The following SHISA5 variants were observed in gnomAD, a reference collection of about 807,000 sequenced individuals.
SHISA5 encodes shisa family member 5, also known as protein shisa-5.
A neutral mutation model predicts 27.5 loss-of-function variants in SHISA5; 21 were observed. The ratio of observed to expected loss-of-function variants is 0.76; its 90% CI spans 0.54 to 1.10. The LOEUF is 1.10. SHISA5 is among the 50% of genes least tolerant of loss of function. SHISA5 has a pLI of 0.00. For missense variants in SHISA5, 314 were observed against 336.3 expected, an observed-to-expected ratio of 0.93 and a Z score of 0.52; for synonymous variants, 137 against 142.2, an observed-to-expected ratio of 0.96 and a Z score of 0.26.
intron 1 of SHISA5, chr3:48,502,218 C>A: frequency 2.8e-6 from 1 of 356,034 alleles, no homozygotes; most frequent in Non-Finnish European, 5.7e-6. Flanking sequence ...CCACAGCAAC[C>A]TCAGCCCCTG....
chr3:48,488,572 G>A (rs1455134026), intron 2 of SHISA5, among the ~76,000 whole-genome samples: 2 of 144,208 alleles, frequency 1.4e-5, no homozygotes, highest in African/African-American at 2.5e-5. Flanking sequence ...GGTGGCTCAC[G>A]CCTGTAATCC....
chr3:48,486,920 CAAA>C (rs747460201), intron 2 of SHISA5, among the ~76,000 whole-genome samples: 5 of 94,768 alleles, frequency 5.3e-5, no homozygotes, highest in Admixed American at 1.2e-4. Flanking sequence ...GACTCCATCT[CAAA>C]AAAAAAAAAA....
rs1167038196 is a variant in SHISA5, at chr3:48,470,261, T to C, written c.315-418A>G. Among the ~76,000 whole-genome samples the C allele has an allele frequency of 6.6e-6, 1 of 152,106 alleles. No individual in the cohort carries two copies. The highest frequency in any genetic ancestry group is 2.4e-5 in the African/African-American group (1 of 41,394). On this transcript the variant is annotated intron_variant, in intron 3 of 5. Transcript: ENST00000296444. The surrounding 1 kb of genome is among the most constrained non-coding windows in gnomAD (Gnocchi z 4.3). ...TGGCCTCTGGGAGCCCACAGTCCAG[T>C]GTAGGAGGCAGACAGTGAAGATAAC...
intron 2 of SHISA5, among the ~76,000 whole-genome samples, chr3:48,495,139 C>A (rs1260237120): frequency 1.4e-5 from 2 of 146,214 alleles, no homozygotes; most frequent in East Asian, 3.9e-4. Context: ...GATTTATAAT[C>A]CAAGTTTTGA....
rs897819355 is a variant in SHISA5 at position 48,503,919 on chromosome 3, G to T, written c.76+100C>A. On this transcript the variant is annotated intron_variant, in intron 1 of 5. Transcript: ENST00000296444. ...CGGGGCAATCAGGGGTCAGTGGGGG[G>T]CATAGTGGGGCTGGTGCTGCCCGGC... 387 of 1,368,626 alleles carry T rather than the reference G, an allele frequency of 2.8e-4. 1 individual carries two copies. The highest frequency in any genetic ancestry group is 3.6e-4 in the Non-Finnish European group (383 of 1,057,860). The allele number at this position is 1,368,626 out of a possible 1,614,324, so 84.8% of individuals were successfully genotyped here. A position where few individuals can be genotyped will look rare whatever the true frequency, so the allele number is the denominator to read the frequency against.
intron 2 of SHISA5, among the ~76,000 whole-genome samples, chr3:48,495,103 A>G (rs1460007434): frequency 6.8e-6 from 1 of 146,704 alleles, no homozygotes; most frequent in Non-Finnish European, 1.5e-5. Flanking sequence ...CACTCCACCT[A>G]GCCTATATCT....
intron 2 of SHISA5, among the ~76,000 whole-genome samples, chr3:48,483,271 T>C (rs1165259317): frequency 6.6e-6 from 1 of 151,874 alleles, no homozygotes; most frequent in Non-Finnish European, 1.5e-5. Context: ...GTACTTGAGA[T>C]TAGGGAGTGG....
chr3:48,472,557 C>T (rs1213258007), intron 3 of SHISA5, among the ~76,000 whole-genome samples: 1 of 151,014 alleles, frequency 6.6e-6, no homozygotes, highest in Non-Finnish European at 1.5e-5. Flanking sequence ...CCAACCCAAG[C>T]TTTATTCCAA....
chr3:48,473,410 C>G lies in SHISA5; in HGVS notation c.315-3567G>C, dbSNP rs976810377. ...CCACACTCTAGCTCAGCAGCACCCC[C>G]ACCCCCACTTCCACCTAACCCACCG... On this transcript the variant is annotated intron_variant, in intron 3 of 5. Coordinates refer to ENST00000296444, the MANE Select transcript of SHISA5 (RefSeq NM_016479.6). The surrounding 1 kb of genome is among the most constrained non-coding windows in gnomAD (Gnocchi z 4.3). 1.8e-5 allele frequency: 24 copies of G among 1,313,004 alleles called. No homozygotes were observed. The highest frequency in any genetic ancestry group is 3.0e-5 in the African/African-American group (2 of 66,830). The allele number at this position is 1,313,004 out of a possible 1,614,324, so 81.3% of individuals were successfully genotyped here.
At position 48,470,571 on chromosome 3, in the gene SHISA5, G is replaced by A. The variant is rs1463378273; in HGVS notation, c.315-728C>T. On this transcript the variant is annotated intron_variant, in intron 3 of 5. Coordinates refer to ENST00000296444, the MANE Select transcript of SHISA5 (RefSeq NM_016479.6). This position sits in a 1 kb window ranked among gnomAD's most constrained non-coding sequence, Gnocchi z 4.3. ...GCCAAGGGGAGGACACAGAGGCCTG[G>A]AGGCAGGAGGCCAGAGGGCCTGCCC... Among the ~76,000 whole-genome samples, 1 of 152,246 alleles carries A rather than the reference G, an allele frequency of 6.6e-6. No homozygotes were observed. Among genetic ancestry groups the A allele is most frequent in the African/African-American group, 2.4e-5 (1 of 41,478 alleles).
chr3:48,504,135 C>G lies in SHISA5; in HGVS notation c.-41G>C, dbSNP rs2041835394. 9.5e-7 allele frequency: 1 copy of G among 1,049,228 alleles called. No homozygotes were observed. The highest frequency in any genetic ancestry group is 1.3e-6 in the Non-Finnish European group (1 of 795,064). 65.0% of individuals were successfully genotyped at this position (1,049,228 alleles called of 1,614,324 possible). ...CGGGCGGACGGACGCGAGCGCCGGG[C>G]GCAGTGCCGCCACAGCCTCAGTGAT... On this transcript the variant is annotated 5_prime_UTR_variant, in exon 1 of 6. Coordinates refer to ENST00000296444, the MANE Select transcript of SHISA5 (RefSeq NM_016479.6). This position sits in a 1 kb window ranked among gnomAD's most constrained non-coding sequence, Gnocchi z 4.0.
intron 2 of SHISA5, among the ~76,000 whole-genome samples, chr3:48,480,901 C>T (rs532840978): frequency 6.6e-6 from 1 of 152,168 alleles, no homozygotes; most frequent in African/African-American, 2.4e-5. Context: ...TCGAGACCAG[C>T]CTGGCCAATA....
At chr3:48,482,504 T>C (rs1305486976) in intron 2 of SHISA5, among the ~76,000 whole-genome samples, 2 of 152,232 alleles carry the variant, frequency 1.3e-5, no homozygotes, top group Non-Finnish European at 2.9e-5. Context: ...TGGAGGCAAC[T>C]GAACACAGTA....
chr3:48,476,988 C>T (rs1181367628), intron 3 of SHISA5: 1 of 423,602 alleles, frequency 2.4e-6, no homozygotes, highest in Non-Finnish European at 4.6e-6. Context: ...TGAGCTGGCC[C>T]CAGTCACCTC....
intron 2 of SHISA5, among the ~76,000 whole-genome samples, chr3:48,485,981 G>A (rs2041206643): frequency 6.6e-6 from 1 of 150,930 alleles, no homozygotes; most frequent in African/African-American, 2.4e-5. Flanking sequence ...TAAGAGGAAG[G>A]GAGAGACTGA....
chr3:48,474,750 T>TC (rs1394235483), intron 3 of SHISA5, among the ~76,000 whole-genome samples: 2 of 152,154 alleles, frequency 1.3e-5, no homozygotes, highest in African/African-American at 4.8e-5. Flanking sequence ...CCCCCTCCTT[T>TC]CAGCTTTGAA....
chr3:48,502,300 G>T, intron 1 of SHISA5: 1 of 443,846 alleles, frequency 2.3e-6, no homozygotes, highest in Non-Finnish European at 4.6e-6. Context: ...CTAGATCCTG[G>T]TCAGAAATTG....
rs766684139 is a variant in SHISA5, at chr3:48,469,880, C to T, written c.315-37G>A. 6.3e-7 allele frequency: 1 copy of T among 1,593,456 alleles called. No individual in the cohort carries two copies. The highest frequency in any genetic ancestry group is 8.5e-7 in the Non-Finnish European group (1 of 1,169,690). ...CTAGACGTGACCCGGGGCACCTCGC[C>T]CCTCCCCAGACCAGCATCCACACCT... On this transcript the variant is annotated intron_variant, in intron 3 of 5. Transcript: ENST00000296444. This position sits in a 1 kb window ranked among gnomAD's most constrained non-coding sequence, Gnocchi z 4.6.
In SHISA5 at chr3:48,473,184, T is replaced by G. The variant is rs1175370566; in HGVS notation, c.315-3341A>C. ...AGACGCGAAGCCCCGTTCCACCCTC[T>G]TAAAGACACAGGATGGCCCCGCCCA... On this transcript the variant is annotated intron_variant, in intron 3 of 5. Coordinates refer to ENST00000296444, the MANE Select transcript of SHISA5 (RefSeq NM_016479.6). This position sits in a 1 kb window ranked among gnomAD's most constrained non-coding sequence, Gnocchi z 4.3. 1 of 1,437,088 alleles carries G rather than the reference T, an allele frequency of 7.0e-7. No individual in the cohort carries two copies. The highest frequency in any genetic ancestry group is 2.5e-5 in the East Asian group (1 of 39,562). The allele number at this position is 1,437,088 out of a possible 1,614,324, so 89.0% of individuals were successfully genotyped here.
Sources: gnomAD v4.1 joint callset for allele counts (sites outside exome capture counted in the v4.1 genomes callset) on GRCh38, gnomAD v4.1.1 for gene constraint, Gnocchi (gnomAD v3.1) non-coding constraint, MANE v1.5 for transcripts, NCBI Gene and HGNC (gene_info 2026-07-23, HGNC 2026-07-21) for gene names.